The following SUFU variants were observed in gnomAD, a reference collection of about 807,000 sequenced individuals.
SUFU encodes the protein suppressor of fused homolog.
Under a neutral mutation model 58.9 loss-of-function variants are expected in SUFU, and 7 were observed. The observed-to-expected ratio is 0.12, with a 90% CI of 0.07 to 0.22. SUFU has a LOEUF of 0.22. SUFU is among the 10% of genes least tolerant of loss of function. The pLI, the probability that SUFU is intolerant of heterozygous loss-of-function variation, is 1.00. For synonymous variants in SUFU, 232 were observed against 254.8 expected (o/e 0.91, Z 0.85); for missense variants, 451 against 641.3 (o/e 0.70, Z 3.20).
At chr10:102,624,454 C>CT (rs75558045) in intron 10 of SUFU, among the ~76,000 whole-genome samples, 16,182 of 152,272 alleles carry the variant, frequency 0.11, 1,312 homozygotes, top group East Asian at 0.41. Flanking sequence ...CTATGACAGT[C>CT]TGTCGTGTTT....
chr10:102,535,194 A>G (rs1159877764), intron 2 of SUFU, among the ~76,000 whole-genome samples: 1 of 152,148 alleles, frequency 6.6e-6, no homozygotes, highest in Non-Finnish European at 1.5e-5. Context: ...GGGGAAAGAA[A>G]GAGACAACAG....
At chr10:102,583,176 G>A (rs920423422) in intron 3 of SUFU, among the ~76,000 whole-genome samples, 2 of 152,182 alleles carry the variant, frequency 1.3e-5, no homozygotes, top group South Asian at 4.1e-4. Flanking sequence ...TTGTGGCTTT[G>A]TCCCATGCTT....
chr10:102,561,809 C>T lies in SUFU; in HGVS notation c.454+11703C>T, dbSNP rs576679056. On this transcript the variant is annotated intron_variant, in intron 3 of 11. Transcript: ENST00000369902. The stretch of plus-strand genomic sequence containing the variant: ...TCAGCCTCCCAAGTAGCTGGGACTA[C>T]AGGTGCATGCCACCACACCCGGCTA... Among the ~76,000 whole-genome samples, 12 of 151,860 alleles carry T rather than the reference C, an allele frequency of 7.9e-5. No homozygotes were observed. In the South Asian group the frequency reaches 2.5e-3, roughly 32 times the overall value.
At chr10:102,590,635 C>A (rs1204521207) in intron 3 of SUFU, among the ~76,000 whole-genome samples, 1 of 151,664 alleles carries the variant, frequency 6.6e-6, no homozygotes, top group Non-Finnish European at 1.5e-5. Context: ...GAAATTATTT[C>A]TTTTATTTTT....
At chr10:102,553,519 A>G (rs2062942385) in intron 3 of SUFU, among the ~76,000 whole-genome samples, 1 of 150,076 alleles carries the variant, frequency 6.7e-6, no homozygotes, top group Non-Finnish European at 1.5e-5. Context: ...GCTGGAGTGC[A>G]GTGGTGTGAT....
chr10:102,529,732 A>G (rs2062654661), intron 2 of SUFU, among the ~76,000 whole-genome samples: 1 of 151,904 alleles, frequency 6.6e-6, no homozygotes, highest in Admixed American at 6.6e-5. Flanking sequence ...AGATCACAAG[A>G]TCAAGAGATC....
chr10:102,629,962 C>A lies in SUFU; in HGVS notation c.1366-104C>A. On this transcript the variant is annotated intron_variant, in intron 11 of 11. Coordinates refer to ENST00000369902, the MANE Select transcript of SUFU (RefSeq NM_016169.4). This position sits in a 1 kb window ranked among gnomAD's most constrained non-coding sequence, Gnocchi z 4.7. ...TGAAGCCACGCCTCCCGCGGCCTGTCCTATCCCTAGCTCCCCGGGGACAGG... is the reference window on the plus strand; with the variant it reads ...TGAAGCCACGCCTCCCGCGGCCTGTACTATCCCTAGCTCCCCGGGGACAGG... 9.1e-7 allele frequency: 1 copy of A among 1,097,130 alleles called. No individual in the cohort carries two copies. The highest frequency in any genetic ancestry group is 1.4e-6 in the Non-Finnish European group (1 of 708,708). The allele number at this position is 1,097,130 out of a possible 1,614,324, so 68.0% of individuals were successfully genotyped here.
At chr10:102,574,881 C>T (rs899016625) in intron 3 of SUFU, among the ~76,000 whole-genome samples, 22 of 152,074 alleles carry the variant, frequency 1.4e-4, no homozygotes, top group African/African-American at 5.3e-4. Flanking sequence ...ATGGTGAAAC[C>T]CTGTCTGTAC....
At chr10:102,602,697 A>G (rs2063525502) in intron 8 of SUFU, among the ~76,000 whole-genome samples, 1 of 152,118 alleles carries the variant, frequency 6.6e-6, no homozygotes, top group Non-Finnish European at 1.5e-5. Flanking sequence ...TTGAGGGTCT[A>G]TTTCTTCCTT....
intron 10 of SUFU, among the ~76,000 whole-genome samples, chr10:102,621,259 C>T (rs954303698): frequency 6.6e-6 from 1 of 152,236 alleles, no homozygotes; most frequent in Non-Finnish European, 1.5e-5. Context: ...CCCTGGAGAC[C>T]TTTGCTTGGA....
At chr10:102,534,505 C>T (rs1202241559) in intron 2 of SUFU, among the ~76,000 whole-genome samples, 3 of 152,214 alleles carry the variant, frequency 2.0e-5, no homozygotes, top group Admixed American at 1.3e-4. Flanking sequence ...GCGGAGGCCA[C>T]GCAAGGGGAA....
At chr10:102,612,169 T>G (rs964614765) in intron 8 of SUFU, among the ~76,000 whole-genome samples, 1 of 148,230 alleles carries the variant, frequency 6.7e-6, no homozygotes, top group African/African-American at 2.5e-5. Context: ...AACTGGGTTC[T>G]TGTGTGTGTG....
At chr10:102,618,931 CGTGTGTGTGTGTGTGTGTGTGTGT>C (rs59259635) in intron 10 of SUFU, 15 of 575,444 alleles carry the variant, frequency 2.6e-5, no homozygotes, top group Admixed American at 1.4e-4. Context: ...CCTCAGGTAG[CGTGTGTGTGTGTGTGTGTGTGTGT>C]GTGTGTGTGT....
At chr10:102,603,658 A>G (rs1221823600) in intron 8 of SUFU, among the ~76,000 whole-genome samples, 3 of 152,188 alleles carry the variant, frequency 2.0e-5, no homozygotes, top group African/African-American at 7.2e-5. Flanking sequence ...TTCATGGAGA[A>G]TTAAGATTCT....
chr10:102,506,454 C>G (rs182754523), intron 1 of SUFU, among the ~76,000 whole-genome samples: 2 of 152,150 alleles, frequency 1.3e-5, no homozygotes, highest in Non-Finnish European at 2.9e-5. Flanking sequence ...TCTTGGCTTA[C>G]TGCAACCTCT....
chr10:102,580,026 C>T (rs1300358204), intron 3 of SUFU, among the ~76,000 whole-genome samples: 1 of 17,644 alleles, frequency 5.7e-5, no homozygotes, highest in Non-Finnish European at 1.4e-4. Context: ...TCTCCTCCCC[C>T]GCACCCCCCC....
At chr10:102,571,295 T>G (rs1284533557) in intron 3 of SUFU, among the ~76,000 whole-genome samples, 1 of 152,202 alleles carries the variant, frequency 6.6e-6, no homozygotes, top group East Asian at 1.9e-4. Context: ...TAAAGAGAAG[T>G]TAGTGTTTCA....
At chr10:102,503,233 T>A (rs2062273509), upstream of SUFU, among the ~76,000 whole-genome samples, 1 of 152,338 alleles carries the variant, frequency 6.6e-6, no homozygotes, top group East Asian at 1.9e-4. Context: ...AGGAAAACAA[T>A]TTAAATTGCA....
At position 102,517,812 on chromosome 10, in the gene SUFU, C is replaced by T. The variant is rs536286081; in HGVS notation, c.317+8509C>T. Among the ~76,000 whole-genome samples the T allele has an allele frequency of 2.0e-5, 3 of 152,312 alleles. No individual in the cohort carries two copies. The South Asian group carries it at 6.2e-4, about 32-fold the overall frequency. ...ACTTTGCAGCTTGCTGTCCTGCCTA[C>T]CAAGCTCTTGAGAACCAGGCTGTGC... On this transcript the variant is annotated intron_variant, in intron 2 of 11. Coordinates refer to ENST00000369902, the MANE Select transcript of SUFU (RefSeq NM_016169.4).
Sources: gnomAD v4.1 joint callset for allele counts (sites outside exome capture counted in the v4.1 genomes callset) on GRCh38, gnomAD v4.1.1 for gene constraint, Gnocchi (gnomAD v3.1) non-coding constraint, MANE v1.5 for transcripts, NCBI Gene and HGNC (gene_info 2026-07-23, HGNC 2026-07-21) for gene names.